The following REG4 variants were observed in gnomAD, a reference collection of about 807,000 sequenced individuals.
The protein encoded by REG4 is regenerating family member 4.
REG4 carries 16 observed loss-of-function variants against 22.3 expected under a neutral mutation model. That is an observed-to-expected ratio of 0.72 (90% CI 0.49 to 1.09). REG4 has a LOEUF of 1.09. REG4 is among the 50% of genes least tolerant of loss of function. The probability of loss-of-function intolerance (pLI) is 0.00; values close to 1 mark genes in which losing one functional copy is unlikely to be tolerated. For synonymous variants in REG4, 71 were observed against 69.2 expected, an observed-to-expected ratio of 1.03 and a Z score of -0.13; for missense variants, 214 against 193.9, an observed-to-expected ratio of 1.10 and a Z score of -0.61.
intron 1 of REG4, among the ~76,000 whole-genome samples, chr1:119,809,551 T>C (rs942022306): frequency 1.3e-5 from 2 of 152,240 alleles, no homozygotes; most frequent in African/African-American, 4.8e-5. Context: ...GATATCTTTC[T>C]ATGCACCTCT....
intron 3 of REG4, among the ~76,000 whole-genome samples, chr1:119,800,508 G>T (rs905159039): frequency 6.6e-6 from 1 of 152,146 alleles, no homozygotes; most frequent in African/African-American, 2.4e-5. Flanking sequence ...AGTAGGTGGG[G>T]CCCACCTTTA....
chr1:119,798,591 C>A lies in REG4; in HGVS notation c.315G>T (p.Trp105Cys). The change falls in exon 5 of 6, where the codon TGG becomes TGT. Residue 105 changes from tryptophan to cysteine, a missense_variant. By Grantham distance (215) the Trp-to-Cys change is radical. Transcript: ENST00000256585. ...GLHDPQKRQQ[W>C]QWIDGAMYLY... is the part of the protein sequence containing the mutation. ...GATACATGGCCCCATCAATCCACTG[C>A]CACTGCTGCCTCTGCAACAACAGGA... 7 of 1,614,110 alleles carry A rather than the reference C, an allele frequency of 4.3e-6. No homozygotes were observed. Among genetic ancestry groups the A allele is most frequent in the Non-Finnish European group, 5.9e-6 (7 of 1,179,972 alleles).
In REG4 at chr1:119,803,994, C is replaced by T. The variant is rs1654209162; in HGVS notation, c.68-829G>A. ...AAGGAATCCATGATTCAGGGAGGCA[C>T]ATGCTTTTCCTGCTAGTCCATTGGT... On this transcript the variant is annotated intron_variant, in intron 2 of 5. Coordinates refer to ENST00000256585, the MANE Select transcript of REG4 (RefSeq NM_032044.4). Among the ~76,000 whole-genome samples, 3 of 152,168 alleles carry T rather than the reference C, an allele frequency of 2.0e-5. No individual in the cohort carries two copies. In the South Asian group the frequency reaches 6.2e-4, roughly 32 times the overall value.
At position 119,799,741 on chromosome 1, in the gene REG4, A is replaced by G; in HGVS notation, c.287T>C (p.Leu96Pro). 1.2e-6 allele frequency: 2 copies of G among 1,613,942 alleles called. No homozygotes were observed. The highest frequency in any genetic ancestry group is 1.7e-6 in the Non-Finnish European group (2 of 1,179,966). ...TGAGGTTACCTTCTGTGGGTCGTGC[A>G]GGCCAATCCATATCGGCTGGCTTCT... ...YQRSQPIWIG[L>P]HDPQKRQQWQ... Residue 96 changes from leucine (L) to proline (P), a missense_variant, in exon 4 of 6, where the codon CTG becomes CCG. By Grantham distance (98) the Leu-to-Pro change is moderately conservative. Transcript: ENST00000256585.
chr1:119,796,677 C>T (rs944387557), intron 5 of REG4, among the ~76,000 whole-genome samples: 7 of 152,140 alleles, frequency 4.6e-5, no homozygotes, highest in Non-Finnish European at 1.0e-4. Context: ...TGCTTCATTC[C>T]TTGTGCTTTT....
At chr1:119,805,102 T>C (rs1215923374) in intron 2 of REG4, among the ~76,000 whole-genome samples, 1 of 152,196 alleles carries the variant, frequency 6.6e-6, no homozygotes, top group Non-Finnish European at 1.5e-5. Context: ...CCAACCTTTA[T>C]AAAAACGAGA....
At chr1:119,800,357 T>C (rs993088010) in intron 3 of REG4, among the ~76,000 whole-genome samples, 2 of 152,224 alleles carry the variant, frequency 1.3e-5, no homozygotes, top group South Asian at 4.1e-4. Context: ...AGTGACACAG[T>C]GTGTTTGTAG....
At position 119,808,364 on chromosome 1, in the gene REG4, T is replaced by C. The variant is rs190239753; in HGVS notation, c.67+339A>G. Among the ~76,000 whole-genome samples the C allele has an allele frequency of 3.6e-3, 547 of 152,286 alleles. 2 individuals carry two copies. Among genetic ancestry groups the C allele is most frequent in the Non-Finnish European group, 5.7e-3 (389 of 68,008 alleles). ...AAATGATAAACCAGTGCATAAGCAT[T>C]GGGGAATTCTAATTATGGCTATGAC... On this transcript the variant is annotated intron_variant, in intron 2 of 5. Transcript: ENST00000256585.
At chr1:119,800,032 C>A (rs1156898977) in intron 3 of REG4, among the ~76,000 whole-genome samples, 170 bp from the exon 4 acceptor site, 1 of 152,214 alleles carries the variant, frequency 6.6e-6, no homozygotes, top group Non-Finnish European at 1.5e-5. Context: ...AAAAACACAA[C>A]TGCTGCAGCG....
intron 2 of REG4, among the ~76,000 whole-genome samples, chr1:119,806,662 G>C (rs1654329244): frequency 1.3e-5 from 2 of 152,176 alleles, no homozygotes; most frequent in South Asian, 2.1e-4. Flanking sequence ...TGGAAACTGG[G>C]AGAGAAGCCA....
intron 3 of REG4, among the ~76,000 whole-genome samples, chr1:119,800,587 T>A (rs587747978): frequency 6.6e-6 from 1 of 152,252 alleles, no homozygotes; most frequent in Non-Finnish European, 1.5e-5. Context: ...CAGCTCTCCC[T>A]AATTCCTAAG....
intron 5 of REG4, among the ~76,000 whole-genome samples, chr1:119,796,205 C>T (rs1181512525): frequency 6.6e-6 from 1 of 152,202 alleles, no homozygotes; most frequent in Admixed American, 6.5e-5. Context: ...TCACACAGCT[C>T]AGCTAGGAGG....
chr1:119,794,083 C>T lies in REG4; in HGVS notation c.*535G>A, dbSNP rs928073615. ...CCATTACTGAACTGGAACACAGCAA[C>T]CTCTTATGTACACAATGGTTTATTA... On this transcript the variant is annotated 3_prime_UTR_variant, in exon 6 of 6. Coordinates refer to ENST00000256585, the MANE Select transcript of REG4 (RefSeq NM_032044.4). 4 of 530,936 alleles carry T rather than the reference C, an allele frequency of 7.5e-6. No individual in the cohort carries two copies. The African/African-American group carries it at 7.7e-5, about 10-fold the overall frequency. The allele number at this position is 530,936 out of a possible 1,614,324, so 32.9% of individuals were successfully genotyped here.
At chr1:119,806,630 G>T (rs1297542217) in intron 2 of REG4, among the ~76,000 whole-genome samples, 1 of 152,178 alleles carries the variant, frequency 6.6e-6, no homozygotes, top group Non-Finnish European at 1.5e-5. Flanking sequence ...ACCTGCTGAG[G>T]TTACCCAGAT....
chr1:119,805,541 G>A (rs983005006), intron 2 of REG4, among the ~76,000 whole-genome samples: 6 of 152,082 alleles, frequency 3.9e-5, no homozygotes, highest in Admixed American at 1.3e-4. Context: ...AGGGACACAC[G>A]CAGAGGACTT....
Position 119,799,750 on chromosome 1 carries a change from C to T in REG4, c.278G>A (p.Trp93Ter), listed in dbSNP as rs587707085. The change falls in exon 4 of 6, where the codon TGG becomes TAG. Residue 93 changes from tryptophan to a stop codon, truncating the protein, a stop_gained. Transcript: ENST00000256585. LOFTEE classifies it high-confidence loss of function. ...ISGYQRSQPI[W>*]IGLHDPQKRQ... The stretch of plus-strand genomic sequence containing the variant: ...CTTCTGTGGGTCGTGCAGGCCAATC[C>T]ATATCGGCTGGCTTCTCTGATAGCC... 1.2e-6 allele frequency: 2 copies of T among 1,614,112 alleles called. No individual in the cohort carries two copies. Among genetic ancestry groups the T allele is most frequent in the African/African-American group, 1.3e-5 (1 of 75,060 alleles).
intron 3 of REG4, 22 bp from the exon 4 acceptor site, chr1:119,799,884 G>A (rs762505241): frequency 1.2e-6 from 2 of 1,613,018 alleles, no homozygotes; most frequent in South Asian, 1.1e-5. Context: ...GAGAGGTCCT[G>A]TTAATTATGC....
intron 5 of REG4, among the ~76,000 whole-genome samples, chr1:119,795,844 G>A (rs182256307): frequency 8.7e-4 from 132 of 152,366 alleles, no homozygotes; most frequent in Admixed American, 2.2e-3. Context: ...AGAGAATACG[G>A]CACAAGGCCA....
chr1:119,802,238 C>A, intron 3 of REG4: 1 of 764,672 alleles, frequency 1.3e-6, no homozygotes, highest in Non-Finnish European at 1.6e-6. Flanking sequence ...TTGGGAAAGT[C>A]ATTTATACTC....
Sources: gnomAD v4.1 joint callset for allele counts (sites outside exome capture counted in the v4.1 genomes callset) on GRCh38, gnomAD v4.1.1 for gene constraint, MANE v1.5 for transcripts, NCBI Gene and HGNC (gene_info 2026-07-23, HGNC 2026-07-21) for gene names.